MAPK8: variants seen among roughly 807,000 people sequenced by gnomAD.
MAPK8 encodes JUN N-terminal kinase.
A neutral mutation model predicts 52.9 loss-of-function variants in MAPK8; 13 were observed. The observed-to-expected ratio is 0.25, with a 90% CI of 0.16 to 0.39. The LOEUF is 0.39. MAPK8 is among the 10% of genes least tolerant of loss of function. MAPK8 has a pLI of 1.00. For missense variants in MAPK8, 300 were observed against 519.2 expected (o/e 0.58, Z 4.10); for synonymous variants, 191 against 169.8 (o/e 1.12, Z -0.97).
chr10:48,389,475 A>C (rs570349964), intron 1 of MAPK8, among the ~76,000 whole-genome samples: 1 of 152,322 alleles, frequency 6.6e-6, no homozygotes, highest in Non-Finnish European at 1.5e-5. Flanking sequence ...GACCAGGGCA[A>C]GCCTCTGGCT....
At chr10:48,391,343 CAA>C (rs547265554) in intron 1 of MAPK8, among the ~76,000 whole-genome samples, 74 of 152,266 alleles carry the variant, frequency 4.9e-4, no homozygotes, top group Non-Finnish European at 8.1e-4. Flanking sequence ...AATTCTATAA[CAA>C]GAGTTCCTTT....
chr10:48,354,571 G>A (rs1322741397), intron 1 of MAPK8, among the ~76,000 whole-genome samples: 2 of 152,190 alleles, frequency 1.3e-5, no homozygotes, highest in Non-Finnish European at 2.9e-5. Context: ...TCCCCAGAGT[G>A]TAAGATTCAG....
chr10:48,397,172 A>G (rs1003984724), intron 1 of MAPK8, among the ~76,000 whole-genome samples: 4 of 150,702 alleles, frequency 2.7e-5, no homozygotes, highest in Non-Finnish European at 5.9e-5. Flanking sequence ...TTTTTTTGAG[A>G]CAGTCTCACT....
chr10:48,371,585 G>A (rs190184286), intron 1 of MAPK8, among the ~76,000 whole-genome samples: 1 of 152,090 alleles, frequency 6.6e-6, no homozygotes. Context: ...ATACAAGACA[G>A]AATACTTCTG....
chr10:48,387,303 A>C (rs2041372504), intron 1 of MAPK8, among the ~76,000 whole-genome samples: 1 of 152,140 alleles, frequency 6.6e-6, no homozygotes, highest in Admixed American at 6.6e-5. Context: ...TGGGCAACTA[A>C]AGAAACATGC....
intron 1 of MAPK8, among the ~76,000 whole-genome samples, chr10:48,336,306 T>C (rs1844681777): frequency 2.0e-5 from 3 of 152,158 alleles, no homozygotes; most frequent in Admixed American, 2.0e-4. Flanking sequence ...GAACACTCTT[T>C]TAAAAAATAT....
At chr10:48,316,729 A>G (rs1387336374) in intron 1 of MAPK8, among the ~76,000 whole-genome samples, 2 of 152,196 alleles carry the variant, frequency 1.3e-5, no homozygotes, top group African/African-American at 2.4e-5. Flanking sequence ...ATAAAATTAT[A>G]TGGTAGTTAG....
chr10:48,329,508 C>CTTT (rs35984344), intron 1 of MAPK8, among the ~76,000 whole-genome samples: 2 of 150,028 alleles, frequency 1.3e-5, no homozygotes, highest in Non-Finnish European at 3.0e-5. Flanking sequence ...ATGAGGCCTC[C>CTTT]TTTTTTTTTA....
At chr10:48,317,597 A>G (rs1034460569) in intron 1 of MAPK8, among the ~76,000 whole-genome samples, 2 of 152,246 alleles carry the variant, frequency 1.3e-5, no homozygotes, top group Non-Finnish European at 2.9e-5. Context: ...TGAGGCTCAG[A>G]AAATGAGTGA....
intron 1 of MAPK8, among the ~76,000 whole-genome samples, chr10:48,398,388 T>C (rs1273815992): frequency 6.6e-6 from 1 of 152,114 alleles, no homozygotes; most frequent in Non-Finnish European, 1.5e-5. Flanking sequence ...TATTAGGAAA[T>C]GTAAATGTAA....
chr10:48,330,901 A>G (rs1302108123), intron 1 of MAPK8, among the ~76,000 whole-genome samples: 1 of 152,136 alleles, frequency 6.6e-6, no homozygotes, highest in African/African-American at 2.4e-5. Context: ...TTATAGGTGC[A>G]TGAGCCATGC....
chr10:48,389,040 C>T (rs144342479), intron 1 of MAPK8, among the ~76,000 whole-genome samples: 67 of 152,226 alleles, frequency 4.4e-4, no homozygotes, highest in Non-Finnish European at 8.2e-4. Context: ...ATTGTTTCTA[C>T]TACTTTTGGT....
At chr10:48,308,518 TA>T (rs1178283218) in intron 1 of MAPK8, among the ~76,000 whole-genome samples, 2 of 152,178 alleles carry the variant, frequency 1.3e-5, no homozygotes, top group African/African-American at 2.4e-5. Context: ...CTTGTCTAAA[TA>T]TTTTTTTAAT....
At chr10:48,429,205 A>G (rs1365674825) in intron 10 of MAPK8, among the ~76,000 whole-genome samples, 1 of 152,156 alleles carries the variant, frequency 6.6e-6, no homozygotes, top group African/African-American at 2.4e-5. Context: ...AGCAGTTGTA[A>G]GGCACACCAT....
chr10:48,384,545 CA>C (rs906227007), intron 1 of MAPK8, among the ~76,000 whole-genome samples: 4 of 151,774 alleles, frequency 2.6e-5, no homozygotes, highest in Non-Finnish European at 5.9e-5. Flanking sequence ...AGAAAAAGGG[CA>C]AAAAAAGCAT....
At chr10:48,356,841 C>CAAAAAAAA (rs869186711) in intron 1 of MAPK8, among the ~76,000 whole-genome samples, 6 of 30,280 alleles carry the variant, frequency 2.0e-4, no homozygotes, top group South Asian at 1.9e-3. Context: ...GACTCCGTCT[C>CAAAAAAAA]AAAAAAAAAA....
intron 1 of MAPK8, among the ~76,000 whole-genome samples, chr10:48,369,461 G>T (rs142613732): frequency 9.2e-5 from 14 of 152,180 alleles, no homozygotes; most frequent in South Asian, 2.1e-4. Flanking sequence ...TTTTGTGCAC[G>T]TGCAGAGTTT....
intron 1 of MAPK8, among the ~76,000 whole-genome samples, chr10:48,347,664 T>C (rs1589021986): frequency 1.3e-5 from 2 of 152,340 alleles, no homozygotes; most frequent in Non-Finnish European, 2.9e-5. Flanking sequence ...TTTCTATTCC[T>C]ATGTTAGTTT....
At chr10:48,359,483 C>T (rs529466288) in intron 1 of MAPK8, among the ~76,000 whole-genome samples, 15 of 152,160 alleles carry the variant, frequency 9.9e-5, no homozygotes, top group East Asian at 1.9e-4. Flanking sequence ...TCAAGAGTTT[C>T]TTGACAGTTT....
Sources: gnomAD v4.1 joint callset for allele counts (sites outside exome capture counted in the v4.1 genomes callset) on GRCh38, gnomAD v4.1.1 for gene constraint, MANE v1.5 for transcripts, NCBI Gene and HGNC (gene_info 2026-07-23, HGNC 2026-07-21) for gene names.